KIF6: variants seen among roughly 807,000 people sequenced by gnomAD.
The protein encoded by KIF6 is kinesin-like protein KIF6.
A neutral mutation model predicts 112.7 loss-of-function variants in KIF6; 106 were observed. That is an observed-to-expected ratio of 0.94 (90% CI 0.80 to 1.11). The LOEUF (loss-of-function observed/expected upper bound fraction) is 1.11. KIF6 is among the 50% of genes least tolerant of loss of function. KIF6 has a pLI of 0.00. For missense variants in KIF6, 929 were observed against 964.0 expected, an observed-to-expected ratio of 0.96 and a Z score of 0.48; for synonymous variants, 339 against 339.9, an observed-to-expected ratio of 1.00 and a Z score of 0.03.
At chr6:39,608,107 C>G (rs1032377824) in intron 6 of KIF6, among the ~76,000 whole-genome samples, 1 of 152,254 alleles carries the variant, frequency 6.6e-6, no homozygotes, top group African/African-American at 2.4e-5. Flanking sequence ...ACCCTGTCTC[C>G]CAATTATTTG....
intron 3 of KIF6, among the ~76,000 whole-genome samples, chr6:39,675,347 T>G (rs1787067123): frequency 6.6e-6 from 1 of 152,192 alleles, no homozygotes; most frequent in East Asian, 1.9e-4. Flanking sequence ...GGGAAAAGTC[T>G]TCCTTCAGTA....
chr6:39,546,830 A>C (rs1266600524), intron 10 of KIF6, among the ~76,000 whole-genome samples: 4 of 151,770 alleles, frequency 2.6e-5, no homozygotes, highest in African/African-American at 9.7e-5. Context: ...TGTCTCAAAA[A>C]AAAAAAAAAA....
At chr6:39,527,305 G>A (rs1582054155) in intron 13 of KIF6, among the ~76,000 whole-genome samples, 1 of 152,072 alleles carries the variant, frequency 6.6e-6, no homozygotes, top group Non-Finnish European at 1.5e-5. Flanking sequence ...GAAGACCTGC[G>A]GTGGGCTCCC....
At chr6:39,578,443 C>T (rs1282624857) in intron 9 of KIF6, among the ~76,000 whole-genome samples, 1 of 151,346 alleles carries the variant, frequency 6.6e-6, no homozygotes, top group Non-Finnish European at 1.5e-5. Flanking sequence ...AGCGATTCTC[C>T]TGCCTCAGCC....
At chr6:39,489,382 T>C (rs1775323435) in intron 13 of KIF6, among the ~76,000 whole-genome samples, 1 of 152,280 alleles carries the variant, frequency 6.6e-6, no homozygotes, top group African/African-American at 2.4e-5. Flanking sequence ...TTTAGAGATA[T>C]CCCAACTGGA....
chr6:39,568,129 C>T (rs62403285), intron 10 of KIF6, among the ~76,000 whole-genome samples: 3,191 of 152,328 alleles, frequency 0.021, 55 homozygotes, highest in Middle Eastern at 0.058. Flanking sequence ...ACTCAGACAA[C>T]GTCCTGGTCC....
chr6:39,684,055 G>A (rs191310481), intron 3 of KIF6, among the ~76,000 whole-genome samples: 3 of 152,296 alleles, frequency 2.0e-5, no homozygotes, highest in Admixed American at 2.0e-4. Flanking sequence ...GTTATTGACT[G>A]GGAACACTCC....
rs572235443 is a variant in KIF6, at chr6:39,450,527, G to A, written c.1646-19366C>T. ...ATGATGTAAAGAAGCAAGAAAGGCC[G>A]GGCACAGTGGCTCACACCTATAATC... On this transcript the variant is annotated intron_variant, in intron 13 of 22. Transcript: ENST00000287152. 7.9e-5 allele frequency among the ~76,000 whole-genome samples: 12 copies of A among 152,272 alleles called. 1 individual carries two copies. The highest frequency in any genetic ancestry group is 2.0e-4 in the Admixed American group (3 of 15,298).
At chr6:39,550,369 AC>A (rs1231201134) in intron 10 of KIF6, among the ~76,000 whole-genome samples, 1 of 152,168 alleles carries the variant, frequency 6.6e-6, no homozygotes, top group Non-Finnish European at 1.5e-5. Context: ...TTTCCAAATA[AC>A]TGGGACAGCA....
intron 13 of KIF6, among the ~76,000 whole-genome samples, chr6:39,470,914 G>C (rs1030831554): frequency 2.6e-5 from 4 of 152,070 alleles, no homozygotes; most frequent in Non-Finnish European, 5.9e-5. Flanking sequence ...TCCTTTAATG[G>C]AACACCACAG....
chr6:39,334,544 G>C lies in KIF6; in HGVS notation c.*1988C>G, dbSNP rs893386382. The C allele has an allele frequency of 1.3e-5, 2 of 152,230 alleles. No individual in the cohort carries two copies. Among genetic ancestry groups the C allele is most frequent in the Admixed American group, 1.3e-4 (2 of 15,274 alleles). The allele number at this position is 152,230 out of a possible 1,614,324, so 9.4% of individuals were successfully genotyped here. A position where few individuals can be genotyped will look rare whatever the true frequency, so the allele number is the denominator to read the frequency against. On this transcript the variant is annotated 3_prime_UTR_variant, in exon 23 of 23. Coordinates refer to ENST00000287152, the MANE Select transcript of KIF6 (RefSeq NM_145027.6). ...GAGTATGGCTTGAGCCCAGGAGTTG[G>C]AGGCTGACTAGTGAGGTATGGTCGC...
intron 16 of KIF6, among the ~76,000 whole-genome samples, chr6:39,385,091 G>T (rs1017535641): frequency 1.3e-5 from 2 of 152,170 alleles, no homozygotes; most frequent in African/African-American, 2.4e-5. Context: ...AACAGAACTG[G>T]GTTCAAATAC....
intron 20 of KIF6, among the ~76,000 whole-genome samples, chr6:39,346,138 T>TCTCTCC (rs1562113511): frequency 1.1e-4 from 11 of 98,908 alleles, no homozygotes; most frequent in Admixed American, 4.8e-4. Context: ...TCTCCCTCTC[T>TCTCTCC]CTCTCTCTCT....
At chr6:39,601,711 G>GACACAC (rs10532285) in intron 6 of KIF6, among the ~76,000 whole-genome samples, 29 of 147,500 alleles carry the variant, frequency 2.0e-4, no homozygotes, top group African/African-American at 5.2e-4. Context: ...ATTTCTTTGG[G>GACACAC]ACACACACAC....
At chr6:39,617,317 A>C (rs1461506985) in intron 5 of KIF6, among the ~76,000 whole-genome samples, 2 of 152,160 alleles carry the variant, frequency 1.3e-5, no homozygotes, top group African/African-American at 4.8e-5. Context: ...TGACTGAAGC[A>C]CATATAAAGA....
chr6:39,555,209 A>G (rs907278780), intron 10 of KIF6, among the ~76,000 whole-genome samples: 1 of 152,034 alleles, frequency 6.6e-6, no homozygotes, highest in Admixed American at 6.5e-5. Flanking sequence ...TCCCCACCTC[A>G]TGTCCTCCTG....
intron 10 of KIF6, among the ~76,000 whole-genome samples, chr6:39,571,224 C>T (rs1242068575): frequency 6.6e-6 from 1 of 152,064 alleles, no homozygotes; most frequent in Non-Finnish European, 1.5e-5. Flanking sequence ...TCTATTGATT[C>T]TTCATTAACA....
intron 4 of KIF6, among the ~76,000 whole-genome samples, chr6:39,639,318 A>G (rs1178572673): frequency 6.6e-6 from 1 of 152,076 alleles, no homozygotes; most frequent in African/African-American, 2.4e-5. Context: ...GGAATATAAG[A>G]TATTAGTTGG....
intron 13 of KIF6, among the ~76,000 whole-genome samples, chr6:39,488,464 C>T (rs555986022): frequency 2.5e-4 from 38 of 152,332 alleles, no homozygotes; most frequent in African/African-American, 8.2e-4. Context: ...CACTTCAGGA[C>T]TTGGCAGAGA....
Sources: gnomAD v4.1 joint callset for allele counts (sites outside exome capture counted in the v4.1 genomes callset) on GRCh38, gnomAD v4.1.1 for gene constraint, MANE v1.5 for transcripts, NCBI Gene and HGNC (gene_info 2026-07-23, HGNC 2026-07-21) for gene names.